SLC5A5: variants seen among roughly 807,000 people sequenced by gnomAD.
SLC5A5 encodes the protein solute carrier family 5 member 5.
A neutral mutation model predicts 68.6 loss-of-function variants in SLC5A5; 56 were observed. That is an observed-to-expected ratio of 0.82 (90% CI 0.66 to 1.02). The LOEUF (loss-of-function observed/expected upper bound fraction) is 1.02, where lower values mean the gene tolerates loss of function less well. Among genes scored for constraint, SLC5A5 ranks in the 50% least tolerant of loss-of-function variants. The pLI, the probability that SLC5A5 is intolerant of heterozygous loss-of-function variation, is 0.00. For missense variants in SLC5A5, 807 were observed against 859.8 expected, an observed-to-expected ratio of 0.94 and a Z score of 0.77; for synonymous variants, 398 against 373.0, an observed-to-expected ratio of 1.07 and a Z score of -0.77.
Position 17,884,001 on chromosome 19 carries a change from T to G in SLC5A5, c.1481T>G (p.Leu494Arg). The G allele has an allele frequency of 1.3e-6, 2 of 1,572,468 alleles. No homozygotes were observed. Among genetic ancestry groups the G allele is most frequent in the Non-Finnish European group, 1.7e-6 (2 of 1,160,790 alleles). The change falls in exon 12 of 15, where the codon CTG becomes CGG. Residue 494 changes from leucine (L) to arginine (R), a missense_variant. Leu to Arg is a moderately radical substitution (Grantham distance 102). Transcript: ENST00000222248. ...CTCTCAGTCAACGCCTCTGGCCTCC[T>G]GGACCCGGCTCTCCTCCCTGCTAAC... ...VALSVNASGL[L>R]DPALLPANDS...
Position 17,877,314 on chromosome 19 carries a change from AT to A in SLC5A5, c.699-396del, listed in dbSNP as rs1309999354. The stretch of plus-strand genomic sequence containing the variant: ...TATTTATTTATTTTTAATTTAATTA[AT>A]TTTTTTTTTTTTGAGATGGAGTCTC... On this transcript the variant is annotated intron_variant, in intron 5 of 14. Transcript: ENST00000222248. Among the ~76,000 whole-genome samples, 1,047 of 146,636 alleles carry A rather than the reference AT, an allele frequency of 7.1e-3. 13 individuals are homozygous for A. Among genetic ancestry groups the A allele is most frequent in the African/African-American group, 0.023 (912 of 40,246 alleles).
At chr19:17,874,270 C>A in intron 2 of SLC5A5, 67 bp downstream of exon 2, 2 of 1,214,002 alleles carry the variant, frequency 1.6e-6, no homozygotes, top group Non-Finnish European at 2.4e-6. Flanking sequence ...AGCCCGGCCC[C>A]CACCATTCAA....
chr19:17,882,904 C>T (rs936877868), intron 10 of SLC5A5, among the ~76,000 whole-genome samples: 4 of 152,030 alleles, frequency 2.6e-5, no homozygotes, highest in Non-Finnish European at 4.4e-5. Context: ...AGGATGGTCT[C>T]GATCTCCTGA....
At chr19:17,872,732 G>A in intron 1 of SLC5A5, 56 bp downstream of exon 1, 1 of 1,135,764 alleles carries the variant, frequency 8.8e-7, no homozygotes, top group South Asian at 1.2e-5. Flanking sequence ...CTGGGACCCC[G>A]TGTGGGGGAG....
At chr19:17,889,493 G>A (rs2030078126) in intron 13 of SLC5A5, among the ~76,000 whole-genome samples, 1 of 151,874 alleles carries the variant, frequency 6.6e-6, no homozygotes, top group East Asian at 1.9e-4. Flanking sequence ...AGAAAGAAAA[G>A]AGACAGGTCT....
chr19:17,885,376 T>C (rs962963603), intron 12 of SLC5A5, among the ~76,000 whole-genome samples: 2 of 151,802 alleles, frequency 1.3e-5, no homozygotes, highest in African/African-American at 4.8e-5. Flanking sequence ...GTTTTTTTGC[T>C]TTTTGTTTAT....
chr19:17,886,551 G>A (rs150953693), intron 12 of SLC5A5, among the ~76,000 whole-genome samples: 14 of 152,020 alleles, frequency 9.2e-5, no homozygotes, highest in Non-Finnish European at 1.6e-4. Flanking sequence ...CAGATGATCC[G>A]CCTGCCTTGG....
In SLC5A5 at chr19:17,872,583, C is replaced by G; in HGVS notation, c.264C>G (p.Leu88=). Residue 88 remains leucine, a synonymous_variant, in exon 1 of 15, where the codon CTC becomes CTG. Transcript: ENST00000222248. The part of the protein sequence containing the change: ...SEAYRYGLKF[L]WMCLGQLLNS... ...CCTATCGCTATGGCCTCAAGTTCCT[C>G]TGGATGTGCCTGGGCCAGCTTCTGA... is the stretch of plus-strand genomic sequence containing the variant. 6.2e-7 allele frequency: 1 copy of G among 1,612,836 alleles called. No homozygotes were observed. Among genetic ancestry groups the G allele is most frequent in the Non-Finnish European group, 8.5e-7 (1 of 1,179,826 alleles).
At chr19:17,880,720 C>T (rs374457544) in intron 7 of SLC5A5, 145 bp from the exon 8 acceptor site, 10 of 704,348 alleles carry the variant, frequency 1.4e-5, no homozygotes, top group Middle Eastern at 3.7e-4. Context: ...CAAAACAAAA[C>T]CACAGACAAA....
rs1204030077 is a variant in SLC5A5 at position 17,883,731 on chromosome 19, C to T, written c.1293C>T (p.Phe431=). ...GVISGPLLGA[F]ILGMFLPACN... is the part of the protein sequence containing the mutation. The stretch of plus-strand genomic sequence containing the variant: ...TCAGCGGCCCCCTGCTGGGAGCCTT[C>T]ATCTTGGGAATGTTCCTGCCGGCCT... Residue 431 remains phenylalanine (F), a synonymous_variant, in exon 11 of 15, where the codon TTC becomes TTT. Transcript: ENST00000222248. The T allele has an allele frequency of 6.2e-7, 1 of 1,602,882 alleles. No individual in the cohort carries two copies. Among genetic ancestry groups the T allele is most frequent in the African/African-American group, 1.4e-5 (1 of 74,072 alleles).
In SLC5A5 at chr19:17,876,092, G is replaced by T; in HGVS notation, c.684G>T (p.Arg228=). 1 of 1,614,106 alleles carries T rather than the reference G, an allele frequency of 6.2e-7. No individual in the cohort carries two copies. Among genetic ancestry groups the T allele is most frequent in the Non-Finnish European group, 8.5e-7 (1 of 1,180,006 alleles). Residue 228 remains arginine (R), a synonymous_variant, in exon 5 of 15, where the codon CGG becomes CGT. Transcript: ENST00000222248. ...TCACGCTGGCCCAGAACCACTCCCG[G>T]ATCAACCTCATGGAGTGAGTGAAAA... ...QVLTLAQNHS[R]INLMDFNPDP...
intron 10 of SLC5A5, among the ~76,000 whole-genome samples, chr19:17,883,269 G>A (rs957689507): frequency 2.0e-5 from 3 of 151,800 alleles, no homozygotes; most frequent in Admixed American, 1.3e-4. Flanking sequence ...AGGCCATCAG[G>A]GGACTTTTTT....
chr19:17,887,334 A>G (rs141817848), intron 12 of SLC5A5, among the ~76,000 whole-genome samples: 3,189 of 152,034 alleles, frequency 0.021, 60 homozygotes, highest in Middle Eastern at 0.031. Context: ...TAACTCTGTC[A>G]CCCAGGCTGG....
At chr19:17,875,521 G>A (rs1393283751) in intron 4 of SLC5A5, among the ~76,000 whole-genome samples, 1 of 151,936 alleles carries the variant, frequency 6.6e-6, no homozygotes, top group Non-Finnish European at 1.5e-5. Flanking sequence ...CCAGCACTTT[G>A]AGAGGCCAAG....
chr19:17,875,920 G>T, intron 4 of SLC5A5, 32 bp from the exon 5 acceptor site: 1 of 1,613,654 alleles, frequency 6.2e-7, no homozygotes, highest in Non-Finnish European at 8.5e-7. Context: ...CCATCTAACC[G>T]CCCCTCTCCC....
intron 7 of SLC5A5, among the ~76,000 whole-genome samples, chr19:17,879,724 G>A (rs1038723210): frequency 1.3e-5 from 2 of 152,114 alleles, no homozygotes; most frequent in African/African-American, 2.4e-5. Context: ...TTCAGGGAGG[G>A]ACTGTACTCT....
Position 17,882,166 on chromosome 19 carries a change from G to C in SLC5A5, c.1189G>C (p.Ala397Pro). 1 of 1,614,072 alleles carries C rather than the reference G, an allele frequency of 6.2e-7. No individual in the cohort carries two copies. The highest frequency in any genetic ancestry group is 8.5e-7 in the Non-Finnish European group (1 of 1,180,008). ...CACTACAGCACTCATCTACGGATCG[G>C]CCTGTCTCACCGTGGCAGCCCTGTC... ...SKGLSLIYGS[A>P]CLTVAALSSL... is the part of the protein sequence containing the mutation. The change falls in exon 10 of 15, where the codon GCC becomes CCC. Residue 397 changes from alanine to proline, a missense_variant. Ala to Pro is a conservative substitution (Grantham distance 27). Coordinates refer to ENST00000222248, the MANE Select transcript of SLC5A5 (RefSeq NM_000453.3).
intron 4 of SLC5A5, 55 bp downstream of exon 4, chr19:17,874,786 TGTG>T (rs1473162354): frequency 1.3e-6 from 2 of 1,543,478 alleles, no homozygotes; most frequent in Non-Finnish European, 1.8e-6. Flanking sequence ...CTGTGTCTCT[TGTG>T]GGGAGACTCT....
chr19:17,877,842 G>A lies in SLC5A5; in HGVS notation c.818G>A (p.Arg273His), dbSNP rs769895208. 3.7e-6 allele frequency: 6 copies of A among 1,614,204 alleles called. No individual in the cohort carries two copies. Among genetic ancestry groups the A allele is most frequent in the Non-Finnish European group, 5.1e-6 (6 of 1,180,048 alleles). The change falls in exon 6 of 15, where the codon CGC (arginine) becomes CAC (histidine). Residue 273 changes from arginine to histidine, a missense_variant. Transcript: ENST00000222248. ...QAQVQRYVAC[R>H]TEKQAKLALL... is the part of the protein sequence containing the mutation. Reference sequence around the variant, plus strand: ...CAGGTGCAGCGCTACGTGGCTTGCCGCACAGAGAAGCAGGCCAAGCTGTGA... The same window carrying A: ...CAGGTGCAGCGCTACGTGGCTTGCCACACAGAGAAGCAGGCCAAGCTGTGA...
Sources: gnomAD v4.1 joint callset for allele counts (sites outside exome capture counted in the v4.1 genomes callset) on GRCh38, gnomAD v4.1.1 for gene constraint, MANE v1.5 for transcripts, NCBI Gene and HGNC (gene_info 2026-07-23, HGNC 2026-07-21) for gene names.